Variants in TMEM132B observed in about 807,000 individuals in gnomAD.
TMEM132B encodes transmembrane protein 132B.
Under a neutral mutation model 90.8 loss-of-function variants are expected in TMEM132B, and 18 were observed. The ratio of observed to expected loss-of-function variants is 0.20; its 90% CI spans 0.14 to 0.29. The LOEUF (loss-of-function observed/expected upper bound fraction) is 0.29, where lower values mean the gene tolerates loss of function less well. Among genes scored for constraint, TMEM132B ranks in the 10% least tolerant of loss-of-function variants. The pLI is 1.00. For missense variants in TMEM132B, 1,096 were observed against 1,326.8 expected, an observed-to-expected ratio of 0.83 and a Z score of 2.70; for synonymous variants, 504 against 523.3, an observed-to-expected ratio of 0.96 and a Z score of 0.50.
chr12:125,556,273 G>A (rs1884383804), intron 4 of TMEM132B, among the ~76,000 whole-genome samples: 1 of 152,192 alleles, frequency 6.6e-6, no homozygotes, highest in Non-Finnish European at 1.5e-5. Context: ...ATCCTGACCT[G>A]AACGTCACAA....
intron 3 of TMEM132B, among the ~76,000 whole-genome samples, chr12:125,509,354 G>A (rs1437046459): frequency 1.3e-5 from 2 of 152,166 alleles, no homozygotes; most frequent in Admixed American, 1.3e-4. Flanking sequence ...GCGCATGCAG[G>A]AGGATTATCC....
At chr12:125,603,046 G>A (rs1002340431) in intron 5 of TMEM132B, among the ~76,000 whole-genome samples, 4 of 152,158 alleles carry the variant, frequency 2.6e-5, no homozygotes, top group African/African-American at 4.8e-5. Flanking sequence ...GTAATTTATC[G>A]ATTTAATTCT....
intron 4 of TMEM132B, among the ~76,000 whole-genome samples, chr12:125,579,486 G>A (rs367741598): frequency 2.5e-4 from 38 of 151,418 alleles, no homozygotes; most frequent in Admixed American, 1.2e-3. Context: ...CTTAGCCTCC[G>A]AAGTAGCTGG....
At chr12:125,254,932 G>C (rs915268468) in intron 1 of TMEM132B, among the ~76,000 whole-genome samples, 2 of 152,052 alleles carry the variant, frequency 1.3e-5, no homozygotes, top group African/African-American at 4.8e-5. Context: ...CAATCCACCC[G>C]CCTCAGCCTC....
intron 1 of TMEM132B, among the ~76,000 whole-genome samples, chr12:125,187,576 A>C (rs1352290358): frequency 1.3e-5 from 2 of 152,234 alleles, no homozygotes; most frequent in African/African-American, 4.8e-5. Context: ...GGTGCTGTCC[A>C]GAGCCATTGC....
chr12:125,518,464 G>C (rs1037998705), intron 3 of TMEM132B, among the ~76,000 whole-genome samples: 1 of 152,146 alleles, frequency 6.6e-6, no homozygotes, highest in African/African-American at 2.4e-5. Context: ...TCAGGCCTTG[G>C]GGGAGCTTGC....
rs77930212 is a variant in TMEM132B at position 125,448,321 on chromosome 12, C to G, written c.1106+32644C>G. Among the ~76,000 whole-genome samples, 1,420 of 152,198 alleles carry G rather than the reference C, an allele frequency of 9.3e-3. 32 individuals are homozygous for G. Among genetic ancestry groups the G allele is most frequent in the African/African-American group, 0.033 (1,364 of 41,534 alleles). On this transcript the variant is annotated intron_variant, in intron 3 of 8. Transcript: ENST00000682704. ...CCAACTAATCACCATCAACTAGATG[C>G]AGAATAGTGCCATACTGTCTGATCT... is the stretch of plus-strand genomic sequence containing the variant.
chr12:125,383,516 C>A (rs1878742690), intron 2 of TMEM132B, among the ~76,000 whole-genome samples: 1 of 152,178 alleles, frequency 6.6e-6, no homozygotes, highest in African/African-American at 2.4e-5. Context: ...ATTACCTTGG[C>A]AACTTCTGAC....
intron 3 of TMEM132B, among the ~76,000 whole-genome samples, chr12:125,513,103 G>A (rs1433766217): frequency 6.6e-6 from 1 of 152,200 alleles, no homozygotes; most frequent in African/African-American, 2.4e-5. Flanking sequence ...GCCTTCCCTG[G>A]CCTGCCTGCC....
Position 125,660,665 on chromosome 12 carries a change from G to A in TMEM132B, c.*5955G>A, listed in dbSNP as rs570134254. 5.3e-5 allele frequency: 8 copies of A among 152,280 alleles called. No homozygotes were observed. The South Asian group carries it at 1.7e-3, about 32-fold the overall frequency. The allele number at this position is 152,280 out of a possible 1,614,324, so 9.4% of individuals were successfully genotyped here. On this transcript the variant is annotated 3_prime_UTR_variant, in exon 9 of 9. Coordinates refer to ENST00000682704, the MANE Select transcript of TMEM132B (RefSeq NM_001366854.1). ...TTCCAGATAAGAAATAACAGTTCAA[G>A]TTCATTAGGGAAATTATCTTCCCAG...
chr12:125,210,087 A>C (rs1411003394), intron 1 of TMEM132B, among the ~76,000 whole-genome samples: 1 of 152,242 alleles, frequency 6.6e-6, no homozygotes, highest in East Asian at 1.9e-4. Flanking sequence ...GAGGCAGATG[A>C]GAAGCTAGAT....
rs1003909223 is a variant in TMEM132B, at chr12:125,396,307, C to A, written c.960-19224C>A. Among the ~76,000 whole-genome samples, 10 of 152,140 alleles carry A rather than the reference C, an allele frequency of 6.6e-5. No homozygotes were observed. The South Asian group carries it at 8.3e-4, about 13-fold the overall frequency. ...GTCTTCCCCTGAAGCATTTTAGCAC[C>A]AAAGGATGATTCTTTTGGATGTCAG... is the stretch of plus-strand genomic sequence containing the variant. On this transcript the variant is annotated intron_variant, in intron 2 of 8. Transcript: ENST00000682704.
intron 2 of TMEM132B, among the ~76,000 whole-genome samples, chr12:125,381,984 C>A (rs1203100739): frequency 2.6e-5 from 4 of 152,174 alleles, no homozygotes; most frequent in Non-Finnish European, 5.9e-5. Flanking sequence ...TTGCCAATTA[C>A]TTTCCCTGGA....
At chr12:125,207,046 A>T (rs1256490227) in intron 1 of TMEM132B, among the ~76,000 whole-genome samples, 1 of 151,540 alleles carries the variant, frequency 6.6e-6, no homozygotes, top group Non-Finnish European at 1.5e-5. Context: ...ACGTTTACCA[A>T]CTCCTGTACC....
chr12:125,377,929 A>C (rs1413330976), intron 2 of TMEM132B, among the ~76,000 whole-genome samples: 1 of 152,198 alleles, frequency 6.6e-6, no homozygotes, highest in Non-Finnish European at 1.5e-5. Context: ...GATACAGCGC[A>C]CACATACGGT....
rs1166607850 is a variant in TMEM132B at position 125,213,398 on chromosome 12, ATTTG to A, written c.67+26537_67+26540del. 1.3e-5 allele frequency among the ~76,000 whole-genome samples: 2 copies of A among 152,178 alleles called. No homozygotes were observed. The highest frequency in any genetic ancestry group is 2.4e-5 in the African/African-American group (1 of 41,426). On this transcript the variant is annotated intron_variant, in intron 1 of 8. Coordinates refer to ENST00000682704, the MANE Select transcript of TMEM132B (RefSeq NM_001366854.1). This position sits in a 1 kb window ranked among gnomAD's most constrained non-coding sequence, Gnocchi z 4.2. The stretch of plus-strand genomic sequence containing the variant: ...CTGCTGAGAACATTTGTGTACAAGT[ATTTG>A]TTTGAGCACCTGTTTTCATTCTTTC...
At chr12:125,552,625 A>C (rs186526517) in intron 4 of TMEM132B, among the ~76,000 whole-genome samples, 151 of 152,312 alleles carry the variant, frequency 9.9e-4, no homozygotes, top group African/African-American at 3.5e-3. Flanking sequence ...AGAAGGGGCT[A>C]CTTCCATTTT....
chr12:125,442,711 A>C (rs1296276704), intron 3 of TMEM132B, among the ~76,000 whole-genome samples: 1 of 152,268 alleles, frequency 6.6e-6, no homozygotes, highest in African/African-American at 2.4e-5. Flanking sequence ...GCCCTGAGCC[A>C]GGATGACGGC....
At chr12:125,233,101 T>G (rs567029579) in intron 1 of TMEM132B, among the ~76,000 whole-genome samples, 3 of 152,206 alleles carry the variant, frequency 2.0e-5, no homozygotes, top group Admixed American at 1.3e-4. Context: ...GTGTTAATCT[T>G]GGCAAAAGGG....
Sources: gnomAD v4.1 joint callset for allele counts (sites outside exome capture counted in the v4.1 genomes callset) on GRCh38, gnomAD v4.1.1 for gene constraint, Gnocchi (gnomAD v3.1) non-coding constraint, MANE v1.5 for transcripts, NCBI Gene and HGNC (gene_info 2026-07-23, HGNC 2026-07-21) for gene names.